Variants in ANK3 observed in about 807,000 individuals in gnomAD.
The protein encoded by ANK3 is ankyrin 3.
Under a neutral mutation model 370.9 loss-of-function variants are expected in ANK3, and 57 were observed. That is an observed-to-expected ratio of 0.15 (90% CI 0.12 to 0.19). The LOEUF is 0.19. Ranked by LOEUF, ANK3 falls within the 10% of genes least tolerant of loss-of-function variation. The probability of loss-of-function intolerance (pLI) is 1.00; values close to 1 mark genes in which losing one functional copy is unlikely to be tolerated. For synonymous variants in ANK3, 1,929 were observed against 1,946.3 expected (o/e 0.99, Z 0.23); for missense variants, 4,439 against 5,302.1 (o/e 0.84, Z 5.06).
intron 4 of ANK3, among the ~76,000 whole-genome samples, chr10:60,270,430 T>C (rs1447557437): frequency 2.0e-5 from 3 of 152,182 alleles, no homozygotes; most frequent in Admixed American, 6.5e-5. Context: ...AAAATTATAT[T>C]TCATAATTCA....
chr10:60,456,021 G>A (rs778907429), intron 2 of ANK3, among the ~76,000 whole-genome samples: 11 of 152,292 alleles, frequency 7.2e-5, no homozygotes, highest in African/African-American at 1.9e-4. Flanking sequence ...CCAGGTCTCC[G>A]TAGCTGATTT....
At chr10:60,467,646 ATAAT>A (rs1335290649) in intron 2 of ANK3, among the ~76,000 whole-genome samples, 1 of 152,198 alleles carries the variant, frequency 6.6e-6, no homozygotes, top group African/African-American at 2.4e-5. Context: ...TTCTTTTTTT[ATAAT>A]TAAAGAGCAA....
At chr10:60,374,341 C>G (rs1413743205) in intron 1 of ANK3, among the ~76,000 whole-genome samples, 1 of 152,026 alleles carries the variant, frequency 6.6e-6, no homozygotes, top group African/African-American at 2.4e-5. Context: ...GAGATACAAA[C>G]AGTTGTAAAA....
intron 1 of ANK3, among the ~76,000 whole-genome samples, chr10:60,673,773 T>C (rs1253951550): frequency 6.6e-6 from 1 of 152,236 alleles, no homozygotes; most frequent in African/African-American, 2.4e-5. Context: ...ATCTCCTTCC[T>C]TCTGCACTCT....
At chr10:60,172,284 C>A in intron 21 of ANK3, 24 bp downstream of exon 21, 1 of 1,591,092 alleles carries the variant, frequency 6.3e-7, no homozygotes, top group Non-Finnish European at 8.6e-7. Flanking sequence ...CCTAGGGTAA[C>A]AAGGTTCTGC....
intron 23 of ANK3, chr10:60,146,137 A>C (rs2094811315): frequency 7.1e-7 from 1 of 1,416,992 alleles, no homozygotes. Flanking sequence ...CACTTACATA[A>C]GTCTGCCATG....
intron 16 of ANK3, among the ~76,000 whole-genome samples, chr10:60,188,862 T>C (rs1300985477): frequency 6.6e-6 from 1 of 152,188 alleles, no homozygotes; most frequent in African/African-American, 2.4e-5. Context: ...CAGAGACTGA[T>C]GCCCGCAGAG....
At chr10:60,305,266 C>T (rs890958217) in intron 1 of ANK3, among the ~76,000 whole-genome samples, 1 of 152,016 alleles carries the variant, frequency 6.6e-6, no homozygotes, top group Non-Finnish European at 1.5e-5. Flanking sequence ...GTGTGGAGCA[C>T]CTTTGCTTTA....
At chr10:60,566,929 C>T (rs2154393) in intron 2 of ANK3, among the ~76,000 whole-genome samples, 14,079 of 152,154 alleles carry the variant, frequency 0.093, 1,189 homozygotes, top group East Asian at 0.32. Context: ...AGCATGGCCC[C>T]GACTCTGCAA....
At chr10:60,257,345 T>C (rs2097754660) in intron 7 of ANK3, among the ~76,000 whole-genome samples, 1 of 152,190 alleles carries the variant, frequency 6.6e-6, no homozygotes, top group African/African-American at 2.4e-5. Context: ...TGCCAAGTTC[T>C]TTCCTACACA....
chr10:60,347,150 G>A (rs2055753874), intron 1 of ANK3, among the ~76,000 whole-genome samples: 1 of 150,044 alleles, frequency 6.7e-6, no homozygotes. Flanking sequence ...CACACTAGCA[G>A]GTGTTCAAAA....
intron 16 of ANK3, among the ~76,000 whole-genome samples, chr10:60,193,276 C>A (rs74156432): frequency 0.1 from 15,523 of 152,220 alleles, 991 homozygotes; most frequent in African/African-American, 0.16. Flanking sequence ...GGATGTTTTG[C>A]AGATAGAGAA....
At chr10:60,687,875 T>C (rs2079291938) in intron 1 of ANK3, among the ~76,000 whole-genome samples, 1 of 152,174 alleles carries the variant, frequency 6.6e-6, no homozygotes, top group Non-Finnish European at 1.5e-5. Flanking sequence ...GGAATACTAT[T>C]CAGCCTTAAA....
At chr10:60,279,233 A>G (rs2098129815) in intron 2 of ANK3, 85 bp from the exon 3 acceptor site, 1 of 1,172,946 alleles carries the variant, frequency 8.5e-7, no homozygotes, top group African/African-American at 1.5e-5. Flanking sequence ...GAGATATTAT[A>G]AAGTCCCACC....
In ANK3 at chr10:60,562,096, T is replaced by A. The variant is rs547837525; in HGVS notation, c.96+53090A>T. Among the ~76,000 whole-genome samples the A allele has an allele frequency of 3.9e-4, 60 of 152,294 alleles. No homozygotes were observed. The South Asian group carries it at 6.6e-3, about 17-fold the overall frequency. On this transcript the variant is annotated intron_variant, in intron 2 of 43. Transcript: ENST00000373827. ...AAAATGATAAAACAGACCTATTAAATAGTTTTGCATCATTACGCTTATTTT... is the reference window on the plus strand; with the variant it reads ...AAAATGATAAAACAGACCTATTAAAAAGTTTTGCATCATTACGCTTATTTT...
intron 16 of ANK3, among the ~76,000 whole-genome samples, chr10:60,190,355 A>C (rs80272450): frequency 0.035 from 5,288 of 152,284 alleles, 262 homozygotes; most frequent in African/African-American, 0.12. Context: ...GGAATGCCTG[A>C]GCTTCCCTGG....
At chr10:60,713,706 A>G (rs1319226645) in intron 1 of ANK3, among the ~76,000 whole-genome samples, 2 of 152,192 alleles carry the variant, frequency 1.3e-5, no homozygotes, top group East Asian at 3.9e-4. Context: ...CCTGGCCAAC[A>G]TTGTAAAACC....
At chr10:60,674,747 G>A (rs997497049) in intron 1 of ANK3, among the ~76,000 whole-genome samples, 15 of 152,132 alleles carry the variant, frequency 9.9e-5, no homozygotes, top group African/African-American at 3.6e-4. Flanking sequence ...CCCCCATAGA[G>A]GTAACCACTG....
At chr10:60,244,425 C>A (rs1467864568) in intron 7 of ANK3, among the ~76,000 whole-genome samples, 1 of 152,018 alleles carries the variant, frequency 6.6e-6, no homozygotes, top group South Asian at 2.1e-4. Context: ...TGACATGCTC[C>A]CACTGAAGAC....
Sources: allele counts gnomAD v4.1 joint callset (sites outside exome capture counted in the v4.1 genomes callset), GRCh38; gene constraint gnomAD v4.1.1; transcripts MANE v1.5; gene names NCBI Gene and HGNC (gene_info 2026-07-23, HGNC 2026-07-21).